SUFU: variants seen among roughly 807,000 people sequenced by gnomAD.
SUFU encodes the protein SUFU negative regulator of hedgehog signaling.
Under a neutral mutation model 58.9 loss-of-function variants are expected in SUFU, and 7 were observed. The ratio of observed to expected loss-of-function variants is 0.12; its 90% confidence interval spans 0.07 to 0.22. The LOEUF (loss-of-function observed/expected upper bound fraction) is 0.22. Among genes scored for constraint, SUFU ranks in the 10% least tolerant of loss-of-function variants. The pLI, the probability that SUFU is intolerant of heterozygous loss-of-function variation, is 1.00. For synonymous variants in SUFU, 232 were observed against 254.8 expected (o/e 0.91, Z 0.85); for missense variants, 451 against 641.3 (o/e 0.70, Z 3.20).
At chr10:102,599,014 G>C (rs2135887232) in intron 7 of SUFU, among the ~76,000 whole-genome samples, 1 of 152,228 alleles carries the variant, frequency 6.6e-6, no homozygotes, top group East Asian at 1.9e-4. Context: ...CCAGAACCCA[G>C]AAAGGTGTGT....
chr10:102,568,921 CACATATATATAT>C (rs1564685643), intron 3 of SUFU, among the ~76,000 whole-genome samples: 5 of 9,544 alleles, frequency 5.2e-4, no homozygotes, highest in African/African-American at 1.9e-3. Flanking sequence ...TATATATATA[CACATATATATAT>C]ATATATATAT....
intron 9 of SUFU, 60 bp downstream of exon 9, chr10:102,615,462 G>C: frequency 6.2e-7 from 1 of 1,612,780 alleles, no homozygotes. Context: ...GCCTCCAGGG[G>C]GCACTTCAGA....
chr10:102,610,082 G>A (rs1270467828), intron 8 of SUFU, among the ~76,000 whole-genome samples: 1 of 151,996 alleles, frequency 6.6e-6, no homozygotes, highest in Non-Finnish European at 1.5e-5. Flanking sequence ...TGCCTTTTTA[G>A]AAATGCCTAC....
At chr10:102,533,432 A>G (rs1192404422) in intron 2 of SUFU, among the ~76,000 whole-genome samples, 1 of 151,824 alleles carries the variant, frequency 6.6e-6, no homozygotes, top group Non-Finnish European at 1.5e-5. Context: ...AAATTAGCCA[A>G]GCATGGTGGC....
intron 1 of SUFU, among the ~76,000 whole-genome samples, chr10:102,504,614 G>A (rs1205331133): frequency 6.6e-6 from 1 of 150,768 alleles, no homozygotes; most frequent in African/African-American, 2.4e-5. Flanking sequence ...GCAGGAGCGA[G>A]GGAACTGTAA....
chr10:102,573,101 G>T (rs550883543), intron 3 of SUFU: 3 of 775,874 alleles, frequency 3.9e-6, no homozygotes, highest in Non-Finnish European at 4.7e-6. Flanking sequence ...GGTAGGTGAC[G>T]TGCGGATCTT....
intron 3 of SUFU, among the ~76,000 whole-genome samples, chr10:102,560,407 TA>T (rs1019232766): frequency 8.8e-5 from 13 of 148,486 alleles, no homozygotes; most frequent in East Asian, 2.0e-4. Flanking sequence ...CCATCTCTGC[TA>T]AAAAAAAAAT....
At chr10:102,503,655 A>G (rs1476166549), upstream of SUFU, among the ~76,000 whole-genome samples, 4 of 152,176 alleles carry the variant, frequency 2.6e-5, no homozygotes. Context: ...CCATTGTCAG[A>G]TTTATGTTTA....
At position 102,593,815 on chromosome 10, in the gene SUFU, T is replaced by C. The variant is rs2063431615; in HGVS notation, c.683+94T>C. 5 of 1,445,922 alleles carry C rather than the reference T, an allele frequency of 3.5e-6. No homozygotes were observed. The South Asian group carries it at 5.8e-5, about 17-fold the overall frequency. The allele number at this position is 1,445,922 out of a possible 1,614,324, so 89.6% of individuals were successfully genotyped here. ...CATGTGGGGCTCCCTCTTGCGTTGT[T>C]ATTTCAGACCCTGGTTTTTCACATC... On this transcript the variant is annotated intron_variant, in intron 5 of 11. Transcript: ENST00000369902.
At chr10:102,511,910 C>G (rs1005223441) in intron 2 of SUFU, among the ~76,000 whole-genome samples, 2 of 152,168 alleles carry the variant, frequency 1.3e-5, no homozygotes, top group African/African-American at 4.8e-5. Flanking sequence ...TGAGGTCTCA[C>G]TATGTTGCCC....
In SUFU at chr10:102,517,352, G is replaced by A. The variant is rs575573193; in HGVS notation, c.317+8049G>A. Among the ~76,000 whole-genome samples the A allele has an allele frequency of 2.4e-4, 37 of 152,094 alleles. No homozygotes were observed. In the South Asian group the frequency reaches 7.3e-3, roughly 30 times the overall value. The stretch of plus-strand genomic sequence containing the variant: ...AACTGAGTGGTGTGGTATTGTAAGT[G>A]ACTACCAGGCCAGAGTGGTGCCAGG... On this transcript the variant is annotated intron_variant, in intron 2 of 11. Transcript: ENST00000369902.
At chr10:102,580,821 C>G (rs1040840461) in intron 3 of SUFU, among the ~76,000 whole-genome samples, 1 of 152,086 alleles carries the variant, frequency 6.6e-6, no homozygotes, top group Non-Finnish European at 1.5e-5. Flanking sequence ...TGGCCTAAAA[C>G]TTTGTAGGCT....
At chr10:102,522,434 C>A (rs1564663635) in intron 2 of SUFU, among the ~76,000 whole-genome samples, 1 of 152,122 alleles carries the variant, frequency 6.6e-6, no homozygotes, top group East Asian at 1.9e-4. Flanking sequence ...ATACCACACG[C>A]CTCCTCCTTT....
rs117686680 is a variant in SUFU, at chr10:102,507,075, T to C, written c.183-2094T>C. The stretch of plus-strand genomic sequence containing the variant: ...TGCTAAGTGTAAAATGCGATTTTTT[T>C]CCACATACTCATCTGGCCTCTGAGT... On this transcript the variant is annotated intron_variant, in intron 1 of 11. Coordinates refer to ENST00000369902, the MANE Select transcript of SUFU (RefSeq NM_016169.4). Among the ~76,000 whole-genome samples the C allele has an allele frequency of 6.3e-3, 961 of 152,310 alleles. 3 individuals carry two copies. The highest frequency in any genetic ancestry group is 0.01 in the Non-Finnish European group (691 of 68,012).
At chr10:102,618,735 G>T in intron 10 of SUFU, 1 of 421,230 alleles carries the variant, frequency 2.4e-6, no homozygotes, top group Non-Finnish European at 4.2e-6. Flanking sequence ...TGTAATATTT[G>T]AAATTAGCCC....
In SUFU at chr10:102,630,853, A is replaced by G; in HGVS notation, c.*698A>G. 1 of 237,088 alleles carries G rather than the reference A, an allele frequency of 4.2e-6. No homozygotes were observed. Among genetic ancestry groups the G allele is most frequent in the Non-Finnish European group, 8.3e-6 (1 of 120,578 alleles). 14.7% of individuals were successfully genotyped at this position (237,088 alleles called of 1,614,324 possible). A position where few individuals can be genotyped will look rare whatever the true frequency, so the allele number is the denominator to read the frequency against. ...TTCGCCTGCCAGCCCAGAGCCCTGG[A>G]GGAGCCGGCTGCACAGAGAGGCTTT... On this transcript the variant is annotated 3_prime_UTR_variant, in exon 12 of 12. Transcript: ENST00000369902.
At chr10:102,616,851 G>A (rs745635182) in intron 9 of SUFU, among the ~76,000 whole-genome samples, 1 of 152,192 alleles carries the variant, frequency 6.6e-6, no homozygotes, top group Non-Finnish European at 1.5e-5. Context: ...GTCCCACTGC[G>A]GAGGCACTAT....
chr10:102,559,502 T>A (rs1215094116), intron 3 of SUFU, among the ~76,000 whole-genome samples: 1 of 152,230 alleles, frequency 6.6e-6, no homozygotes, highest in African/African-American at 2.4e-5. Flanking sequence ...TATGGCAGAT[T>A]TACAAACAAA....
chr10:102,571,783 A>AG (rs1171389660), intron 3 of SUFU, among the ~76,000 whole-genome samples: 1 of 152,240 alleles, frequency 6.6e-6, no homozygotes, highest in Non-Finnish European at 1.5e-5. Flanking sequence ...TCCTCTGGCC[A>AG]GGGCCTTGCA....
Sources: gnomAD v4.1 joint callset for allele counts (sites outside exome capture counted in the v4.1 genomes callset) on GRCh38, gnomAD v4.1.1 for gene constraint, MANE v1.5 for transcripts, NCBI Gene and HGNC (gene_info 2026-07-23, HGNC 2026-07-21) for gene names.